FBXL7: variants seen among roughly 807,000 people sequenced by gnomAD.
The protein encoded by FBXL7 is F-box/LRR-repeat protein 7.
Under a neutral mutation model 38.3 loss-of-function variants are expected in FBXL7, and 12 were observed. The ratio of observed to expected loss-of-function variants is 0.31; its 90% CI spans 0.20 to 0.51. The LOEUF is 0.51. FBXL7 is among the 20% of genes least tolerant of loss of function. FBXL7 has a pLI of 0.98. For missense variants in FBXL7, 567 were observed against 676.4 expected (o/e 0.84, Z 1.79); for synonymous variants, 297 against 300.9 (o/e 0.99, Z 0.13).
At position 15,794,733 on chromosome 5, in the gene FBXL7, C is replaced by T. The variant is rs554865789; in HGVS notation, c.128-133157C>T. Among the ~76,000 whole-genome samples the T allele has an allele frequency of 2.6e-5, 4 of 152,260 alleles. No homozygotes were observed. The East Asian group carries it at 7.7e-4, about 29-fold the overall frequency. On this transcript the variant is annotated intron_variant, in intron 2 of 3. Transcript: ENST00000504595. ...ATCTTAACAACTTTGGGATACAAGGCTAACCAGTGATCACACAATTGTATG... is the reference window on the plus strand; with the variant it reads ...ATCTTAACAACTTTGGGATACAAGGTTAACCAGTGATCACACAATTGTATG...
chr5:15,785,728 G>A (rs1346803715), intron 2 of FBXL7, among the ~76,000 whole-genome samples: 4 of 152,224 alleles, frequency 2.6e-5, no homozygotes, highest in Non-Finnish European at 4.4e-5. Flanking sequence ...TTGCATGAAC[G>A]TATCAAAGAG....
At chr5:15,794,666 G>A (rs367927442) in intron 2 of FBXL7, among the ~76,000 whole-genome samples, 10 of 152,262 alleles carry the variant, frequency 6.6e-5, no homozygotes, top group East Asian at 3.9e-4. Context: ...ATCTTTGAGC[G>A]TGAGTTGGGT....
At chr5:15,685,243 T>G (rs552811034) in intron 2 of FBXL7, among the ~76,000 whole-genome samples, 11 of 152,346 alleles carry the variant, frequency 7.2e-5, no homozygotes, top group African/African-American at 2.4e-4. Flanking sequence ...GAATATACGC[T>G]GGGATGCAGT....
In FBXL7 at chr5:15,739,576, C is replaced by T. The variant is rs922481760; in HGVS notation, c.127+123504C>T. Among the ~76,000 whole-genome samples, 4 of 152,256 alleles carry T rather than the reference C, an allele frequency of 2.6e-5. No individual in the cohort carries two copies. The East Asian group carries it at 7.7e-4, about 29-fold the overall frequency. ...CCCTATCCCCCTAGCCTTAGGCAAC[C>T]TATAATCTCTTTTTTTGTCTCTGTA... On this transcript the variant is annotated intron_variant, in intron 2 of 3. Transcript: ENST00000504595.
intron 2 of FBXL7, among the ~76,000 whole-genome samples, chr5:15,695,343 G>A (rs747551503): frequency 7.2e-5 from 11 of 152,012 alleles, no homozygotes; most frequent in Non-Finnish European, 1.3e-4. Flanking sequence ...GGCCTCAGGA[G>A]GGGAAAGTGT....
At chr5:15,932,222 AT>A (rs1297027192) in intron 3 of FBXL7, among the ~76,000 whole-genome samples, 1 of 152,174 alleles carries the variant, frequency 6.6e-6, no homozygotes, top group African/African-American at 2.4e-5. Flanking sequence ...GGAGGATTAA[AT>A]GAGTTAAGAC....
At chr5:15,574,419 C>T (rs897868262) in intron 1 of FBXL7, among the ~76,000 whole-genome samples, 6 of 152,082 alleles carry the variant, frequency 3.9e-5, no homozygotes, top group Non-Finnish European at 8.8e-5. Context: ...AATGCAAATC[C>T]TAGCAGACTT....
intron 2 of FBXL7, among the ~76,000 whole-genome samples, chr5:15,921,460 C>T (rs1741739664): frequency 6.6e-6 from 1 of 151,878 alleles, no homozygotes; most frequent in Admixed American, 6.6e-5. Flanking sequence ...TCTGTCTGTC[C>T]ATGTCTCCAT....
chr5:15,849,243 T>C (rs1424267969), intron 2 of FBXL7, among the ~76,000 whole-genome samples: 1 of 152,244 alleles, frequency 6.6e-6, no homozygotes, highest in African/African-American at 2.4e-5. Flanking sequence ...ATCTGCCTAT[T>C]ACAATTTAGT....
chr5:15,546,863 G>A (rs1328691896), intron 1 of FBXL7, among the ~76,000 whole-genome samples: 1 of 152,214 alleles, frequency 6.6e-6, no homozygotes, highest in Non-Finnish European at 1.5e-5. Flanking sequence ...TTAATTGGGT[G>A]GAGGGGCACA....
chr5:15,709,630 G>A (rs1424977311), intron 2 of FBXL7, among the ~76,000 whole-genome samples: 1 of 150,428 alleles, frequency 6.6e-6, no homozygotes, highest in Non-Finnish European at 1.5e-5. Context: ...TATTACTCTT[G>A]TCTTAGACAC....
intron 2 of FBXL7, among the ~76,000 whole-genome samples, chr5:15,706,731 G>T (rs1272652524): frequency 6.6e-6 from 1 of 152,144 alleles, no homozygotes; most frequent in Non-Finnish European, 1.5e-5. Flanking sequence ...GTTAAAAGTG[G>T]GAACAGAGGA....
chr5:15,866,889 A>AT (rs558930776), intron 2 of FBXL7, among the ~76,000 whole-genome samples: 5 of 152,116 alleles, frequency 3.3e-5, no homozygotes, highest in East Asian at 1.9e-4. Flanking sequence ...TATGTACCAC[A>AT]TTTTTTTAAC....
At chr5:15,922,713 A>G (rs975176083) in intron 2 of FBXL7, among the ~76,000 whole-genome samples, 9 of 152,186 alleles carry the variant, frequency 5.9e-5, no homozygotes, top group Admixed American at 1.3e-4. Context: ...CATTCTTCCA[A>G]TTACCACTCA....
chr5:15,644,058 T>A (rs746845374), intron 2 of FBXL7, among the ~76,000 whole-genome samples: 1 of 152,160 alleles, frequency 6.6e-6, no homozygotes, highest in Non-Finnish European at 1.5e-5. Context: ...CCTTGCCAAG[T>A]CTGTCCTCCT....
chr5:15,801,446 A>G (rs1480140079), intron 2 of FBXL7, among the ~76,000 whole-genome samples: 1 of 152,220 alleles, frequency 6.6e-6, no homozygotes, highest in East Asian at 1.9e-4. Context: ...TTGGGTCAAA[A>G]GTGTAGCTTT....
At chr5:15,743,103 C>A (rs1044712879) in intron 2 of FBXL7, among the ~76,000 whole-genome samples, 1 of 152,140 alleles carries the variant, frequency 6.6e-6, no homozygotes, top group Non-Finnish European at 1.5e-5. Flanking sequence ...ACCATATCAT[C>A]TCACTCCTGG....
intron 1 of FBXL7, among the ~76,000 whole-genome samples, chr5:15,560,004 A>G (rs1452593306): frequency 1.3e-5 from 2 of 152,360 alleles, no homozygotes; most frequent in Non-Finnish European, 2.9e-5. Context: ...TGTTAGGTAC[A>G]TGCCTCAACA....
At position 15,757,815 on chromosome 5, in the gene FBXL7, T is replaced by C. The variant is rs76290269; in HGVS notation, c.127+141743T>C. Among the ~76,000 whole-genome samples the C allele has an allele frequency of 6.8e-3, 1,031 of 152,286 alleles. 9 individuals carry two copies. Among genetic ancestry groups the C allele is most frequent in the African/African-American group, 0.024 (981 of 41,568 alleles). ...CCAGAAATCTCAAAGGGCTGAAGGA[T>C]GCAGCTAAGTGGGAAGGAGGCATAA... On this transcript the variant is annotated intron_variant, in intron 2 of 3. Coordinates refer to ENST00000504595, the MANE Select transcript of FBXL7 (RefSeq NM_012304.5).
Sources: gnomAD v4.1 joint callset for allele counts (sites outside exome capture counted in the v4.1 genomes callset) on GRCh38, gnomAD v4.1.1 for gene constraint, MANE v1.5 for transcripts, NCBI Gene and HGNC (gene_info 2026-07-23, HGNC 2026-07-21) for gene names.